Variants in TRIR observed in about 807,000 individuals in gnomAD.
The protein encoded by TRIR is telomerase RNA component-interacting RNase.
In TRIR, 5 loss-of-function variants were observed where a neutral mutation model predicts 18.2. The observed-to-expected ratio is 0.27, with a 90% CI of 0.14 to 0.58. The LOEUF (loss-of-function observed/expected upper bound fraction) is 0.58. Ranked by LOEUF, TRIR falls within the 20% of genes least tolerant of loss-of-function variation. The pLI, the probability that TRIR is intolerant of heterozygous loss-of-function variation, is 0.91. For missense variants in TRIR, 206 were observed against 252.8 expected, an observed-to-expected ratio of 0.81 and a Z score of 1.25; for synonymous variants, 134 against 114.4, an observed-to-expected ratio of 1.17 and a Z score of -1.10.
At chr19:12,732,788 C>A (rs868663124) in intron 1 of TRIR, among the ~76,000 whole-genome samples, 42 of 152,092 alleles carry the variant, frequency 2.8e-4, no homozygotes, top group African/African-American at 9.7e-4. Flanking sequence ...CAGGGTTTCA[C>A]CACGTTGGCC....
At position 12,734,061 on chromosome 19, in the gene TRIR, T is replaced by A. The variant is rs1967484674; in HGVS notation, c.345+252A>T. ...CAGGAATCCTGATATCCACGTTTCC[T>A]CATTCTCCACAGTGCTGATTCCTAG... is the stretch of plus-strand genomic sequence containing the variant. On this transcript the variant is annotated intron_variant, in intron 1 of 2. Coordinates refer to ENST00000242784, the MANE Select transcript of TRIR (RefSeq NM_024038.4). This position sits in a 1 kb window ranked among gnomAD's most constrained non-coding sequence, Gnocchi z 4.1. 6.6e-6 allele frequency among the ~76,000 whole-genome samples: 1 copy of A among 152,220 alleles called. No individual in the cohort carries two copies. The highest frequency in any genetic ancestry group is 1.5e-5 in the Non-Finnish European group (1 of 68,036).
chr19:12,731,507 C>A lies in TRIR; in HGVS notation c.346-86G>T. On this transcript the variant is annotated intron_variant, in intron 1 of 2. Coordinates refer to ENST00000242784, the MANE Select transcript of TRIR (RefSeq NM_024038.4). This position sits in a 1 kb window ranked among gnomAD's most constrained non-coding sequence, Gnocchi z 5.1. ...TGAGGCCCACTACACCTTCCTAGCCCGGCCTGGTGGCCCGTCCTGACGCCG... is the reference window on the plus strand; with the variant it reads ...TGAGGCCCACTACACCTTCCTAGCCAGGCCTGGTGGCCCGTCCTGACGCCG... 1 of 1,426,202 alleles carries A rather than the reference C, an allele frequency of 7.0e-7. No homozygotes were observed. The highest frequency in any genetic ancestry group is 9.5e-7 in the Non-Finnish European group (1 of 1,051,116). 88.3% of individuals were successfully genotyped at this position (1,426,202 alleles called of 1,614,324 possible). A position where few individuals can be genotyped will look rare whatever the true frequency, so the allele number is the denominator to read the frequency against.
rs77121980 is a variant in TRIR at position 12,730,742 on chromosome 19, G to A, written c.*219C>T. 4.1e-4 allele frequency: 241 copies of A among 590,148 alleles called. 1 individual carries two copies. The African/African-American group carries it at 4.2e-3, about 10-fold the overall frequency. The allele number at this position is 590,148 out of a possible 1,614,324, so 36.6% of individuals were successfully genotyped here. ...AAAGAGCCAGAGAGAATGAGGAGGT[G>A]AGAAGGGGGGGACAGTAAACCACTG... is the stretch of plus-strand genomic sequence containing the variant. On this transcript the variant is annotated 3_prime_UTR_variant, in exon 3 of 3. Coordinates refer to ENST00000242784, the MANE Select transcript of TRIR (RefSeq NM_024038.4).
chr19:12,733,444 T>A (rs1414611527), intron 1 of TRIR, among the ~76,000 whole-genome samples: 1 of 152,216 alleles, frequency 6.6e-6, no homozygotes, highest in South Asian at 2.1e-4. Flanking sequence ...AATAACATTT[T>A]GAGCTGGATT....
intron 1 of TRIR, among the ~76,000 whole-genome samples, chr19:12,733,609 A>C (rs1277103449): frequency 6.6e-6 from 1 of 152,080 alleles, no homozygotes; most frequent in East Asian, 1.9e-4. Context: ...GGGTGGAGGG[A>C]ACTGCCCCAA....
intron 1 of TRIR, among the ~76,000 whole-genome samples, chr19:12,733,887 A>G (rs1362134345): frequency 1.3e-5 from 2 of 152,358 alleles, no homozygotes; most frequent in South Asian, 4.1e-4. Flanking sequence ...GATACAAGGA[A>G]GTCAAGCAAT....
rs191269118 is a variant in TRIR, at chr19:12,733,248, G to A, written c.345+1065C>T. 3.4e-4 allele frequency among the ~76,000 whole-genome samples: 51 copies of A among 152,228 alleles called. 1 individual carries two copies. Among genetic ancestry groups the A allele is most frequent in the Middle Eastern group, 6.8e-3 (2 of 294 alleles). On this transcript the variant is annotated intron_variant, in intron 1 of 2. Transcript: ENST00000242784. ...ACAAATGAAGAAACTGAGGCTTGCA[G>A]AGGTTAGATCATTTGCCCAAAATCA...
intron 1 of TRIR, among the ~76,000 whole-genome samples, chr19:12,733,204 C>A (rs1406299416): frequency 6.6e-6 from 1 of 152,162 alleles, no homozygotes. Context: ...CCACTGCACC[C>A]AACCCACGCC....
In TRIR at chr19:12,731,419, C is replaced by T; in HGVS notation, c.348G>A (p.Val116=). 6.2e-7 allele frequency: 1 copy of T among 1,613,152 alleles called. No individual in the cohort carries two copies. Among genetic ancestry groups the T allele is most frequent in the Non-Finnish European group, 8.5e-7 (1 of 1,179,522 alleles). Reference sequence around the variant, plus strand: ...GTTTGTTCCCGCCTCTGCGTTTGCCCACCTGGGTGAAGGGACAGAAGACTG... The same window carrying T: ...GTTTGTTCCCGCCTCTGCGTTTGCCTACCTGGGTGAAGGGACAGAAGACTG... ...KGGPGSTLSF[V]GKRRGGNKLA... Residue 116 remains valine, a splice_region_variant and synonymous_variant, in exon 2 of 3, where the codon GTG becomes GTA. Coordinates refer to ENST00000242784, the MANE Select transcript of TRIR (RefSeq NM_024038.4). This position sits in a 1 kb window ranked among gnomAD's most constrained non-coding sequence, Gnocchi z 5.1.
chr19:12,732,407 G>A (rs376310940), intron 1 of TRIR, among the ~76,000 whole-genome samples: 3 of 152,002 alleles, frequency 2.0e-5, no homozygotes, highest in Non-Finnish European at 2.9e-5. Flanking sequence ...GACTCCACTC[G>A]CAGGTATCAC....
In TRIR at chr19:12,732,117, T is replaced by A. The variant is rs1318228278; in HGVS notation, c.346-696A>T. On this transcript the variant is annotated intron_variant, in intron 1 of 2. Transcript: ENST00000242784. ...CCAGCCTGGGCAACAAGAAGTAGAC[T>A]CTGTCTCAAAAAAAAAAAAAAAAAA... Among the ~76,000 whole-genome samples, 26 of 110,708 alleles carry A rather than the reference T, an allele frequency of 2.3e-4. No individual in the cohort carries two copies. The Admixed American group carries it at 2.5e-3, about 11-fold the overall frequency. 72.6% of individuals were successfully genotyped at this position (110,708 alleles called of 152,430 possible). A position where few individuals can be genotyped will look rare whatever the true frequency, so the allele number is the denominator to read the frequency against.
Position 12,734,280 on chromosome 19 carries a change from G to A in TRIR, c.345+33C>T. The A allele has an allele frequency of 2.2e-6, 3 of 1,379,750 alleles. No homozygotes were observed. The highest frequency in any genetic ancestry group is 2.8e-6 in the Non-Finnish European group (3 of 1,068,132). 85.5% of individuals were successfully genotyped at this position (1,379,750 alleles called of 1,614,324 possible). A position where few individuals can be genotyped will look rare whatever the true frequency, so the allele number is the denominator to read the frequency against. On this transcript the variant is annotated intron_variant, in intron 1 of 2. Coordinates refer to ENST00000242784, the MANE Select transcript of TRIR (RefSeq NM_024038.4). This position sits in a 1 kb window ranked among gnomAD's most constrained non-coding sequence, Gnocchi z 4.1. ...CCGACTCCCGCTGCCAAGACAGGCC[G>A]TGGCGCCCGCCCCCACCCCCACGGC... is the stretch of plus-strand genomic sequence containing the variant.
At position 12,734,487 on chromosome 19, in the gene TRIR, G is replaced by A; in HGVS notation, c.171C>T (p.Asn57=). ...GGAAGCTGCCGTCGTTGGCGAACAA[G>A]TTCACGCCGCCCGACACCGGGCTCG... ...AGSSPVSGGV[N]LFANDGSFLE... is the part of the protein sequence containing the mutation. The change falls in exon 1 of 3, where the codon AAC becomes AAT. Residue 57 remains asparagine (N), a synonymous_variant. Transcript: ENST00000242784. This position sits in a 1 kb window ranked among gnomAD's most constrained non-coding sequence, Gnocchi z 4.1. The A allele has an allele frequency of 1.3e-6, 2 of 1,535,696 alleles. No individual in the cohort carries two copies. The highest frequency in any genetic ancestry group is 1.2e-5 in the South Asian group (1 of 82,544).
chr19:12,731,138 G>A lies in TRIR; in HGVS notation c.424-70C>T. On this transcript the variant is annotated intron_variant, in intron 2 of 2. Transcript: ENST00000242784. This position sits in a 1 kb window ranked among gnomAD's most constrained non-coding sequence, Gnocchi z 5.1. The stretch of plus-strand genomic sequence containing the variant: ...GGGTCAGGACTGCCCTGAGACAGGT[G>A]ACCCATTCCCAGTGTCACCCAGAAG... 2 of 1,382,002 alleles carry A rather than the reference G, an allele frequency of 1.4e-6. No homozygotes were observed. Among genetic ancestry groups the A allele is most frequent in the Admixed American group, 1.7e-5 (1 of 59,544 alleles). 85.6% of individuals were successfully genotyped at this position (1,382,002 alleles called of 1,614,324 possible).
chr19:12,734,648 G>T lies in TRIR; in HGVS notation c.10C>A (p.Arg4=), dbSNP rs1295642746. The change falls in exon 1 of 3, where the codon CGA becomes AGA. Residue 4 remains arginine, a synonymous_variant. Transcript: ENST00000242784. The surrounding 1 kb of genome is among the most constrained non-coding windows in gnomAD (Gnocchi z 4.1). The part of the protein sequence containing the change: MAA[R]GRRAEPQGRE... ...CCCTGAGGCTCCGCCCGTCTCCCTC[G>T]GGCAGCCATTTTGTCGCCAGGTGCC... is the stretch of plus-strand genomic sequence containing the variant. The T allele has an allele frequency of 6.6e-7, 1 of 1,506,528 alleles. No homozygotes were observed. The highest frequency in any genetic ancestry group is 8.8e-7 in the Non-Finnish European group (1 of 1,135,806). 93.3% of individuals were successfully genotyped at this position (1,506,528 alleles called of 1,614,324 possible). A position where few individuals can be genotyped will look rare whatever the true frequency, so the allele number is the denominator to read the frequency against.
chr19:12,734,407 G>T lies in TRIR; in HGVS notation c.251C>A (p.Pro84Gln). The change falls in exon 1 of 3, where the codon CCG (proline) becomes CAG (glutamine). Residue 84 changes from proline (P) to glutamine (Q), a missense_variant. By Grantham distance (76) the Pro-to-Gln change is moderately conservative. Transcript: ENST00000242784. The surrounding 1 kb of genome is among the most constrained non-coding windows in gnomAD (Gnocchi z 4.1). ...EEEQRQRQEE[P>Q]PPGPQRPDQS... ...GTCGGGTCGCTGCGGACCCGGGGGC[G>T]GCTCCTCCTGCCGCTGCCGCTGCTC... The T allele has an allele frequency of 1.3e-6, 2 of 1,517,360 alleles. No individual in the cohort carries two copies. The highest frequency in any genetic ancestry group is 1.8e-6 in the Non-Finnish European group (2 of 1,133,822). The allele number at this position is 1,517,360 out of a possible 1,614,324, so 94.0% of individuals were successfully genotyped here. A position where few individuals can be genotyped will look rare whatever the true frequency, so the allele number is the denominator to read the frequency against.
In TRIR at chr19:12,730,904, TAA is replaced by T; in HGVS notation, c.*55_*56del. The T allele has an allele frequency of 1.3e-5, 19 of 1,503,590 alleles. No individual in the cohort carries two copies. The highest frequency in any genetic ancestry group is 1.8e-5 in the Non-Finnish European group (19 of 1,080,700). 93.1% of individuals were successfully genotyped at this position (1,503,590 alleles called of 1,614,324 possible). On this transcript the variant is annotated 3_prime_UTR_variant, in exon 3 of 3. Coordinates refer to ENST00000242784, the MANE Select transcript of TRIR (RefSeq NM_024038.4). ...AAGGCTGTCGCCGCTGCCGCTGCAT[TAA>T]ATAGTTATGTACATCGCAGAGAGTC... is the stretch of plus-strand genomic sequence containing the variant.
At position 12,731,565 on chromosome 19, in the gene TRIR, GCAAT is replaced by G. The variant is rs1284524500; in HGVS notation, c.346-148_346-145del. ...CTCCGCCAGCCGGCCGACCTGCGCAGCAATCAGAGAGGAGCACACGCGACTCAGC... is the reference window on the plus strand; with the variant it reads ...CTCCGCCAGCCGGCCGACCTGCGCAGCAGAGAGGAGCACACGCGACTCAGC... On this transcript the variant is annotated intron_variant, in intron 1 of 2. Coordinates refer to ENST00000242784, the MANE Select transcript of TRIR (RefSeq NM_024038.4). This position sits in a 1 kb window ranked among gnomAD's most constrained non-coding sequence, Gnocchi z 5.1. The G allele has an allele frequency of 1.2e-6, 1 of 843,000 alleles. No homozygotes were observed. The highest frequency in any genetic ancestry group is 1.7e-5 in the African/African-American group (1 of 58,494). The allele number at this position is 843,000 out of a possible 1,614,324, so 52.2% of individuals were successfully genotyped here. A position where few individuals can be genotyped will look rare whatever the true frequency, so the allele number is the denominator to read the frequency against.
chr19:12,734,586 G>A lies in TRIR; in HGVS notation c.72C>T (p.Gly24=), dbSNP rs761557274. The A allele has an allele frequency of 2.6e-6, 4 of 1,520,610 alleles. No homozygotes were observed. Among genetic ancestry groups the A allele is most frequent in the East Asian group, 2.6e-5 (1 of 38,100 alleles). The allele number at this position is 1,520,610 out of a possible 1,614,324, so 94.2% of individuals were successfully genotyped here. ...ATCCCGACTCAGCCCAACGGCTCCCGCCACCGCCACCGCCCGCGGGGCCCG... is the reference window on the plus strand; with the variant it reads ...ATCCCGACTCAGCCCAACGGCTCCCACCACCGCCACCGCCCGCGGGGCCCG... ...EAPGPAGGGG[G]GSRWAESGSG... The change falls in exon 1 of 3, where the codon GGC becomes GGT. Residue 24 remains glycine, a synonymous_variant. Coordinates refer to ENST00000242784, the MANE Select transcript of TRIR (RefSeq NM_024038.4). The surrounding 1 kb of genome is among the most constrained non-coding windows in gnomAD (Gnocchi z 4.1).
Sources: allele counts gnomAD v4.1 joint callset (sites outside exome capture counted in the v4.1 genomes callset), GRCh38; gene constraint gnomAD v4.1.1; non-coding constraint Gnocchi (gnomAD v3.1); transcripts MANE v1.5; gene names NCBI Gene and HGNC (gene_info 2026-07-23, HGNC 2026-07-21).